OPCML: variants seen among roughly 807,000 people sequenced by gnomAD.
OPCML encodes opioid-binding protein/cell adhesion molecule.
A neutral mutation model predicts 37.8 loss-of-function variants in OPCML; 13 were observed. The ratio of observed to expected loss-of-function variants is 0.34; its 90% CI spans 0.22 to 0.55. The LOEUF is 0.55. Ranked by LOEUF, OPCML falls within the 20% of genes least tolerant of loss-of-function variation. The pLI is 0.91. For missense variants in OPCML, 341 were observed against 435.6 expected (o/e 0.78, Z 1.93); for synonymous variants, 176 against 168.8 (o/e 1.04, Z -0.33).
At chr11:133,184,601 T>C (rs1373561340) in intron 1 of OPCML, among the ~76,000 whole-genome samples, 1 of 152,116 alleles carries the variant, frequency 6.6e-6, no homozygotes, top group Middle Eastern at 3.2e-3. Flanking sequence ...AAATCACCAT[T>C]GGCAGATCTA....
At chr11:132,539,702 G>A (rs1187564133) in intron 3 of OPCML, among the ~76,000 whole-genome samples, 2 of 152,070 alleles carry the variant, frequency 1.3e-5, no homozygotes, top group African/African-American at 4.8e-5. Context: ...TGATGTTGAT[G>A]ATAATGGTTA....
At chr11:133,503,126 C>T (rs969395503) in intron 1 of OPCML, among the ~76,000 whole-genome samples, 4 of 152,144 alleles carry the variant, frequency 2.6e-5, no homozygotes, top group African/African-American at 4.8e-5. Flanking sequence ...GGTTTTCTCA[C>T]GTCCTTTTTG....
At position 132,433,652 on chromosome 11, in the gene OPCML, G is replaced by A. The variant is rs368199275; in HGVS notation, c.916+2434C>T. ...CCCCAGTATGTCTGTATTTGGAGGTGGCACCTATAGGGAAGTAATTAAGGT... is the reference window on the plus strand; with the variant it reads ...CCCCAGTATGTCTGTATTTGGAGGTAGCACCTATAGGGAAGTAATTAAGGT... On this transcript the variant is annotated intron_variant, in intron 7 of 7. Transcript: ENST00000524381. 1.7e-4 allele frequency among the ~76,000 whole-genome samples: 26 copies of A among 152,266 alleles called. No individual in the cohort carries two copies. The South Asian group carries it at 5.4e-3, about 32-fold the overall frequency.
intron 1 of OPCML, among the ~76,000 whole-genome samples, chr11:133,428,313 A>G (rs1202691700): frequency 6.6e-6 from 1 of 152,174 alleles, no homozygotes; most frequent in African/African-American, 2.4e-5. Context: ...AGCAGCGTGA[A>G]CAAGGAGAGG....
chr11:132,493,161 G>A (rs2096221321), intron 4 of OPCML, among the ~76,000 whole-genome samples: 1 of 152,200 alleles, frequency 6.6e-6, no homozygotes, highest in African/African-American at 2.4e-5. Context: ...GCAAACCTTG[G>A]TGGATAGGAA....
At chr11:132,868,498 T>C (rs987490195) in intron 2 of OPCML, among the ~76,000 whole-genome samples, 4 of 149,994 alleles carry the variant, frequency 2.7e-5, no homozygotes, top group African/African-American at 9.7e-5. Context: ...ACTTTCTAAA[T>C]AATTGAAAAA....
intron 1 of OPCML, among the ~76,000 whole-genome samples, chr11:133,000,052 TTTTG>T (rs1946969070): frequency 6.6e-6 from 1 of 152,088 alleles, no homozygotes; most frequent in Non-Finnish European, 1.5e-5. Context: ...AGAACTTCAT[TTTTG>T]TTTTTGTTTT....
chr11:132,726,521 A>T (rs200427708), intron 2 of OPCML, among the ~76,000 whole-genome samples: 14 of 140,026 alleles, frequency 1.0e-4, no homozygotes, highest in Admixed American at 7.9e-4. Context: ...TTTTTTTTTT[A>T]AAGAAAACCT....
At chr11:132,955,698 A>C in intron 1 of OPCML, among the ~76,000 whole-genome samples, 1 of 152,110 alleles carries the variant, frequency 6.6e-6, no homozygotes, top group Middle Eastern at 3.2e-3. Flanking sequence ...CCTGACCAAC[A>C]TGGTGAAACC....
intron 4 of OPCML, among the ~76,000 whole-genome samples, chr11:132,479,918 G>GA (rs999731239): frequency 6.6e-6 from 1 of 152,084 alleles, no homozygotes; most frequent in African/African-American, 2.4e-5. Context: ...CAAAGATGGG[G>GA]AAAAAAACAG....
intron 2 of OPCML, among the ~76,000 whole-genome samples, chr11:132,852,481 A>C (rs1941854110): frequency 6.6e-6 from 1 of 152,138 alleles, no homozygotes; most frequent in Non-Finnish European, 1.5e-5. Context: ...TCATTGTGTT[A>C]ATATGAGTAA....
chr11:133,400,568 G>A (rs1592266378), intron 1 of OPCML, among the ~76,000 whole-genome samples: 1 of 152,192 alleles, frequency 6.6e-6, no homozygotes, highest in African/African-American at 2.4e-5. Flanking sequence ...GTTGTACAAT[G>A]AGAATTTTCT....
At chr11:132,811,497 C>T (rs552022516) in intron 2 of OPCML, among the ~76,000 whole-genome samples, 37 of 152,260 alleles carry the variant, frequency 2.4e-4, no homozygotes, top group African/African-American at 8.2e-4. Context: ...GATTAGGCCC[C>T]GGGAAAGTGG....
intron 2 of OPCML, among the ~76,000 whole-genome samples, chr11:132,797,471 C>T (rs1044480423): frequency 6.6e-6 from 1 of 152,176 alleles, no homozygotes; most frequent in Admixed American, 6.5e-5. Context: ...TAGAAGCACA[C>T]CTCAGAAATC....
chr11:132,657,384 TA>T (rs1312072510), intron 2 of OPCML, 65 bp from the exon 3 acceptor site: 2 of 1,556,970 alleles, frequency 1.3e-6, no homozygotes, highest in African/African-American at 1.4e-5. Flanking sequence ...AGAGATTATA[TA>T]ATATGGTAAA....
chr11:133,339,587 C>T (rs975432564), intron 1 of OPCML, among the ~76,000 whole-genome samples: 2 of 152,192 alleles, frequency 1.3e-5, no homozygotes, highest in Admixed American at 6.5e-5. Context: ...TCCATCTGGC[C>T]TGCTCTGCCT....
chr11:133,029,845 C>T (rs1470436614), intron 1 of OPCML, among the ~76,000 whole-genome samples: 1 of 113,958 alleles, frequency 8.8e-6, no homozygotes, highest in East Asian at 2.5e-4. Context: ...TGCACACGCA[C>T]CTAATGAATC....
intron 3 of OPCML, among the ~76,000 whole-genome samples, chr11:132,604,389 AAGATTCAGTGTGG>A (rs776026701): frequency 1.4e-4 from 21 of 151,914 alleles, no homozygotes; most frequent in Non-Finnish European, 2.8e-4. Flanking sequence ...AGCTTTTCCT[AAGATTCAGTGTGG>A]AGTTCTTCCT....
In OPCML at chr11:132,891,726, A is replaced by G. The variant is rs542072055; in HGVS notation, c.146+51200T>C. Among the ~76,000 whole-genome samples the G allele has an allele frequency of 1.1e-4, 17 of 152,346 alleles. 1 individual carries two copies. The highest frequency in any genetic ancestry group is 1.1e-3 in the Admixed American group (17 of 15,310). ...TTAATGAACAAATGAATGAATGTAT[A>G]AATATTTTGGATAATATCTTGTCAC... On this transcript the variant is annotated intron_variant, in intron 2 of 7. Transcript: ENST00000524381.
Sources: allele counts gnomAD v4.1 joint callset (sites outside exome capture counted in the v4.1 genomes callset), GRCh38; gene constraint gnomAD v4.1.1; transcripts MANE v1.5; gene names NCBI Gene and HGNC (gene_info 2026-07-23, HGNC 2026-07-21).